ABCC9: variants seen among roughly 807,000 people sequenced by gnomAD.
The protein encoded by ABCC9 is ATP binding cassette subfamily C member 9, also known as ATP-binding cassette sub-family C member 9.
A neutral mutation model predicts 188.3 loss-of-function variants in ABCC9; 95 were observed. That is an observed-to-expected ratio of 0.50 (90% CI 0.43 to 0.60). ABCC9 has a LOEUF of 0.60. Ranked by LOEUF, ABCC9 falls within the 20% of genes least tolerant of loss-of-function variation. The pLI, the probability that ABCC9 is intolerant of heterozygous loss-of-function variation, is 0.00. For missense variants in ABCC9, 1,102 were observed against 1,876.3 expected, an observed-to-expected ratio of 0.59 and a Z score of 7.62; for synonymous variants, 659 against 652.7, an observed-to-expected ratio of 1.01 and a Z score of -0.15.
chr12:21,898,569 A>C (rs1947548477), intron 12 of ABCC9, among the ~76,000 whole-genome samples: 1 of 152,234 alleles, frequency 6.6e-6, no homozygotes, highest in Non-Finnish European at 1.5e-5. Context: ...TCAAAAAAGA[A>C]ATGTTTATAA....
chr12:21,936,834 T>C, intron 2 of ABCC9, 140 bp from the exon 3 acceptor site: 1 of 632,186 alleles, frequency 1.6e-6, no homozygotes, highest in Non-Finnish European at 2.7e-6. Context: ...AGAAACTCTG[T>C]GCCAAAGCAA....
At position 21,915,514 on chromosome 12, in the gene ABCC9, A is replaced by ATATATATATATTTTTTTTTTTTTTT; in HGVS notation, c.816+153_816+154insAAAAAAAAAAAAAAATATATATATA. 3.7e-3 allele frequency among the ~76,000 whole-genome samples: 13 copies of ATATATATATATTTTTTTTTTTTTTT among 3,520 alleles called. 3 individuals carry two copies. Among genetic ancestry groups the ATATATATATATTTTTTTTTTTTTTT allele is most frequent in the Non-Finnish European group, 4.2e-3 (9 of 2,144 alleles). The allele number at this position is 3,520 out of a possible 152,430, so 2.3% of individuals were successfully genotyped here. On this transcript the variant is annotated intron_variant, in intron 7 of 39. Transcript: ENST00000261200. ...TGTGTGTGTGTGTATATATATATAT[A>ATATATATATATTTTTTTTTTTTTTT]TTTTTTTTTTTTTTTTGAGACAGAG...
rs989865743 is a variant in ABCC9 at position 21,941,389 on chromosome 12, C to G, written c.-326G>C. 2.0e-5 allele frequency: 3 copies of G among 152,524 alleles called. No individual in the cohort carries two copies. Among genetic ancestry groups the G allele is most frequent in the Admixed American group, 2.0e-4 (3 of 15,310 alleles). The allele number at this position is 152,524 out of a possible 1,614,324, so 9.4% of individuals were successfully genotyped here. On this transcript the variant is annotated 5_prime_UTR_variant, in exon 1 of 40. Transcript: ENST00000261200. This position sits in a 1 kb window ranked among gnomAD's most constrained non-coding sequence, Gnocchi z 5.4. ...AAGCCCCGCGCGCCGCGCCTGGGGC[C>G]GGAGACCTTCCCCATCCCTGCTCTG... is the stretch of plus-strand genomic sequence containing the variant.
chr12:21,816,762 T>C (rs369738418), intron 33 of ABCC9, among the ~76,000 whole-genome samples: 3 of 152,118 alleles, frequency 2.0e-5, no homozygotes, highest in Admixed American at 1.3e-4. Context: ...CTTGGAGATA[T>C]GCATTTAATG....
intron 28 of ABCC9, 45 bp downstream of exon 28, chr12:21,844,438 A>G (rs1373462644): frequency 1.4e-6 from 2 of 1,453,848 alleles, no homozygotes; most frequent in Non-Finnish European, 1.9e-6. Flanking sequence ...TTTAGCTTAC[A>G]TTGTGAAACT....
chr12:21,875,751 A>G (rs1441932049), intron 16 of ABCC9, 25 bp from the exon 17 acceptor site: 3 of 1,536,948 alleles, frequency 2.0e-6, no homozygotes, highest in South Asian at 1.1e-5. Context: ...TACAGAAATT[A>G]AATTATATGT....
intron 29 of ABCC9, among the ~76,000 whole-genome samples, chr12:21,840,066 T>G (rs535302178): frequency 6.6e-6 from 1 of 152,310 alleles, no homozygotes; most frequent in South Asian, 2.1e-4. Context: ...TAAAACTGTG[T>G]TTGATAAAAC....
chr12:21,883,457 C>T (rs752236744), intron 15 of ABCC9, among the ~76,000 whole-genome samples: 1 of 152,190 alleles, frequency 6.6e-6, no homozygotes, highest in Non-Finnish European at 1.5e-5. Context: ...CCTTTGCCTT[C>T]CACCATGTTT....
At chr12:21,938,458 G>A (rs974101246) in intron 2 of ABCC9, among the ~76,000 whole-genome samples, 53 of 152,154 alleles carry the variant, frequency 3.5e-4, no homozygotes, top group African/African-American at 1.3e-3. Flanking sequence ...TAATTTATAG[G>A]TGTATGTTAG....
At chr12:21,897,151 T>C (rs888935862) in intron 12 of ABCC9, among the ~76,000 whole-genome samples, 7 of 152,210 alleles carry the variant, frequency 4.6e-5, no homozygotes, top group Non-Finnish European at 7.3e-5. Flanking sequence ...GTGGTTTTGA[T>C]TTGCATTTCT....
chr12:21,939,124 C>A (rs1269388635), intron 2 of ABCC9, among the ~76,000 whole-genome samples: 1 of 152,110 alleles, frequency 6.6e-6, no homozygotes, highest in East Asian at 1.9e-4. Context: ...AGAAATGATG[C>A]AATCAAACAA....
chr12:21,925,601 G>A (rs1949013649), intron 5 of ABCC9: 2 of 683,252 alleles, frequency 2.9e-6, no homozygotes, highest in East Asian at 2.7e-5. Context: ...TGGTGCCGCA[G>A]CTCCTCACAA....
At chr12:21,885,482 C>T (rs1210015476) in intron 15 of ABCC9, among the ~76,000 whole-genome samples, 3 of 152,128 alleles carry the variant, frequency 2.0e-5, no homozygotes, top group Non-Finnish European at 4.4e-5. Context: ...TGAACTTGAC[C>T]TCCTATATGC....
chr12:21,885,672 TAACA>T (rs1395358264), intron 15 of ABCC9, among the ~76,000 whole-genome samples: 3 of 152,162 alleles, frequency 2.0e-5, no homozygotes, highest in Admixed American at 1.3e-4. Context: ...GTCCCCACAC[TAACA>T]AACAAGCATT....
intron 12 of ABCC9, among the ~76,000 whole-genome samples, chr12:21,896,109 T>C (rs1161208658): frequency 6.6e-6 from 1 of 150,540 alleles, no homozygotes; most frequent in Non-Finnish European, 1.5e-5. Context: ...ACTTTTCTTT[T>C]TTTTTTTATT....
intron 12 of ABCC9, among the ~76,000 whole-genome samples, chr12:21,901,363 A>G (rs1947740708): frequency 6.6e-6 from 1 of 152,194 alleles, no homozygotes; most frequent in Admixed American, 6.5e-5. Flanking sequence ...CCAAATTTTA[A>G]AGCCCATCGA....
chr12:21,880,099 A>C (rs1946545987), intron 16 of ABCC9, among the ~76,000 whole-genome samples: 1 of 151,222 alleles, frequency 6.6e-6, no homozygotes, highest in Non-Finnish European at 1.5e-5. Context: ...ACATTAAATC[A>C]GACCTTACTG....
intron 38 of ABCC9, 92 bp downstream of exon 38, chr12:21,807,254 G>T: frequency 1.3e-6 from 2 of 1,548,464 alleles, no homozygotes; most frequent in Non-Finnish European, 8.9e-7. Context: ...ATAGTACTGA[G>T]GATTCAGAAC....
chr12:21,895,330 A>C lies in ABCC9; in HGVS notation c.1619-15T>G. On this transcript the variant is annotated splice_polypyrimidine_tract_variant and intron_variant, in intron 12 of 39. Coordinates refer to ENST00000261200, the MANE Select transcript of ABCC9 (RefSeq NM_020297.4). ...ATTCATGAAGACTGTGGAAAGAAAT[A>C]AAATGCATTAGTTTCATTGAACTGT... 2 of 1,610,082 alleles carry C rather than the reference A, an allele frequency of 1.2e-6. No individual in the cohort carries two copies. The highest frequency in any genetic ancestry group is 1.7e-6 in the Non-Finnish European group (2 of 1,176,348).
Sources: gnomAD v4.1 joint callset for allele counts (sites outside exome capture counted in the v4.1 genomes callset) on GRCh38, gnomAD v4.1.1 for gene constraint, Gnocchi (gnomAD v3.1) non-coding constraint, MANE v1.5 for transcripts, NCBI Gene and HGNC (gene_info 2026-07-23, HGNC 2026-07-21) for gene names.